The following ZFP30 variants were observed in gnomAD, a reference collection of about 807,000 sequenced individuals.
The protein encoded by ZFP30 is ZFP30 zinc finger protein.
Under a neutral mutation model 12.3 loss-of-function variants are expected in ZFP30, and 16 were observed. The observed-to-expected ratio is 1.30, with a 90% CI of 0.88 to 1.98. The LOEUF (loss-of-function observed/expected upper bound fraction) is 1.98, where lower values mean the gene tolerates loss of function less well. Among genes scored for constraint, ZFP30 ranks in the 30% most tolerant of loss-of-function variants. ZFP30 has a pLI of 0.00. For synonymous variants in ZFP30, 172 were observed against 201.0 expected, an observed-to-expected ratio of 0.86 and a Z score of 1.22; for missense variants, 560 against 611.2, an observed-to-expected ratio of 0.92 and a Z score of 0.88.
Position 37,654,748 on chromosome 19 carries a change from T to G in ZFP30, c.-114A>C, listed in dbSNP as rs1434622066. ...TTTTAGAAGAGCAGCAGCGATTCGT[T>G]TCTCCTTCTCAAGCGCCTTCTCTGG... On this transcript the variant is annotated 5_prime_UTR_variant, in exon 2 of 6. Coordinates refer to ENST00000684514, the MANE Select transcript of ZFP30 (RefSeq NM_001320669.3). 4 of 152,280 alleles carry G rather than the reference T, an allele frequency of 2.6e-5. No individual in the cohort carries two copies. Among genetic ancestry groups the G allele is most frequent in the Non-Finnish European group, 4.4e-5 (3 of 68,140 alleles). 9.4% of individuals were successfully genotyped at this position (152,280 alleles called of 1,614,324 possible). A position where few individuals can be genotyped will look rare whatever the true frequency, so the allele number is the denominator to read the frequency against.
rs542009050 is a variant in ZFP30, at chr19:37,635,900, T to C, written c.641A>G (p.Tyr214Cys). 8.1e-6 allele frequency: 13 copies of C among 1,614,186 alleles called. No individual in the cohort carries two copies. The highest frequency in any genetic ancestry group is 3.3e-4 in the Middle Eastern group (2 of 6,062). ...HQRIHTSDKL[Y>C]ECKKCGKIFT... is the part of the protein sequence containing the mutation. ...GATCTTTCCACATTTTTTACATTCA[T>C]AGAGTTTGTCAGAAGTATGAATTCT... is the stretch of plus-strand genomic sequence containing the variant. The change falls in exon 6 of 6, where the codon TAT becomes TGT. Residue 214 changes from tyrosine (Y) to cysteine (C), a missense_variant. By Grantham distance (194) the Tyr-to-Cys change is radical. Transcript: ENST00000684514.
In ZFP30 at chr19:37,653,238, G is replaced by A. The variant is rs531732835; in HGVS notation, c.-78+1474C>T. 2.0e-5 allele frequency among the ~76,000 whole-genome samples: 3 copies of A among 151,916 alleles called. No individual in the cohort carries two copies. The South Asian group carries it at 6.2e-4, about 32-fold the overall frequency. On this transcript the variant is annotated intron_variant, in intron 2 of 5. Coordinates refer to ENST00000684514, the MANE Select transcript of ZFP30 (RefSeq NM_001320669.3). ...TAATTTCTACCAGTTCCTGAGTATTGTATCTCATCAAGACCCTGAAATAGT... is the reference window on the plus strand; with the variant it reads ...TAATTTCTACCAGTTCCTGAGTATTATATCTCATCAAGACCCTGAAATAGT...
intron 5 of ZFP30, among the ~76,000 whole-genome samples, chr19:37,642,217 C>T (rs2044449569): frequency 6.6e-6 from 1 of 152,166 alleles, no homozygotes. Flanking sequence ...CCATCTACTA[C>T]CTATTCATAT....
intron 5 of ZFP30, among the ~76,000 whole-genome samples, chr19:37,641,888 G>A (rs1218222482): frequency 6.6e-6 from 1 of 152,132 alleles, no homozygotes; most frequent in Admixed American, 6.5e-5. Context: ...TTTTGGTCCT[G>A]TAGTTTCCCA....
chr19:37,654,827 T>C lies in ZFP30; in HGVS notation c.-193A>G, dbSNP rs1243378618. ...AGTTCAGGACACCCCAGGCTTTTCT[T>C]GACTCGATTGGAACCCACCCTCCAC... On this transcript the variant is annotated 5_prime_UTR_variant, in exon 2 of 6. Coordinates refer to ENST00000684514, the MANE Select transcript of ZFP30 (RefSeq NM_001320669.3). The C allele has an allele frequency of 6.6e-6, 1 of 152,204 alleles. No homozygotes were observed. The highest frequency in any genetic ancestry group is 1.5e-5 in the Non-Finnish European group (1 of 68,128). The allele number at this position is 152,204 out of a possible 1,614,324, so 9.4% of individuals were successfully genotyped here. A position where few individuals can be genotyped will look rare whatever the true frequency, so the allele number is the denominator to read the frequency against.
At chr19:37,653,884 C>A (rs2044701514) in intron 2 of ZFP30, among the ~76,000 whole-genome samples, 1 of 152,202 alleles carries the variant, frequency 6.6e-6, no homozygotes, top group Non-Finnish European at 1.5e-5. Flanking sequence ...TGTTACCAAT[C>A]CCTGTTCTGG....
intron 2 of ZFP30, 137 bp from the exon 3 acceptor site, chr19:37,648,036 A>T (rs2044576899): frequency 1.7e-6 from 1 of 580,246 alleles, no homozygotes; most frequent in African/African-American, 1.9e-5. Context: ...GGTAAGAGGT[A>T]GTTTAGACAA....
At chr19:37,651,153 C>T (rs909725474) in intron 2 of ZFP30, among the ~76,000 whole-genome samples, 1 of 152,084 alleles carries the variant, frequency 6.6e-6, no homozygotes, top group African/African-American at 2.4e-5. Flanking sequence ...GGTTATTTTG[C>T]CTTTTTTGCA....
At position 37,634,871 on chromosome 19, in the gene ZFP30, C is replaced by T. The variant is rs2044287875; in HGVS notation, c.*110G>A. 8.4e-7 allele frequency: 1 copy of T among 1,193,956 alleles called. No individual in the cohort carries two copies. The highest frequency in any genetic ancestry group is 1.1e-6 in the Non-Finnish European group (1 of 898,586). The allele number at this position is 1,193,956 out of a possible 1,614,324, so 74.0% of individuals were successfully genotyped here. On this transcript the variant is annotated 3_prime_UTR_variant, in exon 6 of 6. Transcript: ENST00000684514. ...TTTCCTTTAAATAAAACTTCCTATG[C>T]TTAGTTGTGAGCATGAAGCAAAAGG...
In ZFP30 at chr19:37,635,452, G is replaced by T; in HGVS notation, c.1089C>A (p.Phe363Leu). ...PYDCKECGKT[F>L]SRGYHLTLHQ... ...GGAGAGTTAGATGATAGCCACGACT[G>T]AAAGTCTTCCCACATTCCTTACAAT... The change falls in exon 6 of 6, where the codon TTC (phenylalanine) becomes TTA (leucine). Residue 363 changes from phenylalanine (F) to leucine (L), a missense_variant. Phe to Leu is a conservative substitution (Grantham distance 22). Coordinates refer to ENST00000684514, the MANE Select transcript of ZFP30 (RefSeq NM_001320669.3). 6.2e-7 allele frequency: 1 copy of T among 1,613,734 alleles called. No individual in the cohort carries two copies. Among genetic ancestry groups the T allele is most frequent in the Admixed American group, 1.7e-5 (1 of 59,996 alleles).
chr19:37,634,966 G>T lies in ZFP30; in HGVS notation c.*15C>A, dbSNP rs753002836. Reference sequence around the variant, plus strand: ...GCTCAACATAAAATTCGCAAAGGAAGAGTTCTAATAATTATTAAGTTACAT... The same window carrying T: ...GCTCAACATAAAATTCGCAAAGGAATAGTTCTAATAATTATTAAGTTACAT... On this transcript the variant is annotated 3_prime_UTR_variant, in exon 6 of 6. Transcript: ENST00000684514. 6.6e-7 allele frequency: 1 copy of T among 1,516,258 alleles called. No individual in the cohort carries two copies. Among genetic ancestry groups the T allele is most frequent in the Admixed American group, 2.2e-5 (1 of 45,152 alleles). 93.9% of individuals were successfully genotyped at this position (1,516,258 alleles called of 1,614,324 possible).
upstream of ZFP30, chr19:37,655,629 G>A (rs2044744157): frequency 6.6e-6 from 1 of 152,588 alleles, no homozygotes; most frequent in East Asian, 1.9e-4. Context: ...CCTCGCCTCA[G>A]GCCTCTACCT....
intron 2 of ZFP30, among the ~76,000 whole-genome samples, chr19:37,650,799 ATC>A (rs1236324800): frequency 6.6e-6 from 1 of 151,614 alleles, no homozygotes; most frequent in Non-Finnish European, 1.5e-5. Flanking sequence ...CAGTGGCACA[ATC>A]TCAACTCACT....
In ZFP30 at chr19:37,644,656, C is replaced by T; in HGVS notation, c.90G>A (p.Leu30=). 1 of 1,613,100 alleles carries T rather than the reference C, an allele frequency of 6.2e-7. No homozygotes were observed. Among genetic ancestry groups the T allele is most frequent in the South Asian group, 1.1e-5 (1 of 90,878 alleles). ...WECLNSYQRN[L]YRDVILENYS... Reference sequence around the variant, plus strand: ...AGTTCTCTAATATCACATCTCTGTACAAATTCCTCTGATATGAGTTCAGGC... The same window carrying T: ...AGTTCTCTAATATCACATCTCTGTATAAATTCCTCTGATATGAGTTCAGGC... Residue 30 remains leucine, a synonymous_variant, in exon 4 of 6, where the codon TTG becomes TTA. Coordinates refer to ENST00000684514, the MANE Select transcript of ZFP30 (RefSeq NM_001320669.3).
At chr19:37,642,343 T>C (rs2044452314) in intron 5 of ZFP30, among the ~76,000 whole-genome samples, 1 of 152,230 alleles carries the variant, frequency 6.6e-6, no homozygotes, top group Non-Finnish European at 1.5e-5. Flanking sequence ...ATCAAGAATT[T>C]ATAAAATTAA....
Position 37,636,241 on chromosome 19 carries a change from TAA to T in ZFP30, c.298_299del (p.Leu100IlefsTer10). 5 of 1,612,018 alleles carry T rather than the reference TAA, an allele frequency of 3.1e-6. No individual in the cohort carries two copies. The highest frequency in any genetic ancestry group is 4.2e-6 in the Non-Finnish European group (5 of 1,179,362). On this transcript the variant is annotated frameshift_variant, in exon 6 of 6. Transcript: ENST00000684514. LOFTEE classifies it low-confidence loss of function (END_TRUNC). The stretch of plus-strand genomic sequence containing the variant: ...TTCTTTCCATTACCTTCCACTGAGA[TAA>T]GTTCATTTCATAAATATCCTTTCCT... Reference protein sequence around the residue: ...FQGKDIYEMNLSQWKVMERIK... With the variant: ...FQGKDIYEMNXSQWKVMERIK...
At chr19:37,650,745 T>A (rs1335039634) in intron 2 of ZFP30, among the ~76,000 whole-genome samples, 1 of 151,798 alleles carries the variant, frequency 6.6e-6, no homozygotes, top group African/African-American at 2.4e-5. Context: ...TTCCTTTTTT[T>A]TTTTTTTGAG....
intron 5 of ZFP30, among the ~76,000 whole-genome samples, chr19:37,642,602 T>C (rs1213911339): frequency 6.6e-6 from 1 of 152,104 alleles, no homozygotes; most frequent in African/African-American, 2.4e-5. Context: ...TTAAACTCCA[T>C]GAACATGGGC....
chr19:37,649,691 G>C (rs894422908), intron 2 of ZFP30, among the ~76,000 whole-genome samples: 1 of 151,988 alleles, frequency 6.6e-6, no homozygotes. Context: ...GGGCATGGTG[G>C]TGCACACCTG....
Sources: allele counts gnomAD v4.1 joint callset (sites outside exome capture counted in the v4.1 genomes callset), GRCh38; gene constraint gnomAD v4.1.1; transcripts MANE v1.5; gene names NCBI Gene and HGNC (gene_info 2026-07-23, HGNC 2026-07-21).